Variants in TRIM7 observed in about 807,000 individuals in gnomAD.
The protein encoded by TRIM7 is E3 ubiquitin-protein ligase TRIM7.
A neutral mutation model predicts 37.9 loss-of-function variants in TRIM7; 32 were observed. The observed-to-expected ratio is 0.84, with a 90% CI of 0.64 to 1.13. The LOEUF is 1.13. TRIM7 is among the 50% of genes most tolerant of loss of function. The pLI is 0.00. For synonymous variants in TRIM7, 351 were observed against 321.3 expected (o/e 1.09, Z -0.99); for missense variants, 732 against 714.0 (o/e 1.03, Z -0.29).
chr5:181,197,062 C>G (rs1010575110), intron 6 of TRIM7: 70 of 151,352 alleles, frequency 4.6e-4, no homozygotes, highest in African/African-American at 1.7e-3. Context: ...CGAGGACGCC[C>G]AGGAGAGAGG....
At chr5:181,201,271 T>C (rs1757468986) in intron 2 of TRIM7, among the ~76,000 whole-genome samples, 1 of 152,212 alleles carries the variant, frequency 6.6e-6, no homozygotes, top group African/African-American at 2.4e-5. Flanking sequence ...TATCCCATTG[T>C]TGACAACCAA....
rs1158589548 is a variant in TRIM7 at position 181,203,695 on chromosome 5, C to T, written c.523-55G>A. 5.1e-6 allele frequency: 8 copies of T among 1,553,492 alleles called. No individual in the cohort carries two copies. The East Asian group carries it at 1.3e-4, about 26-fold the overall frequency. On this transcript the variant is annotated intron_variant, in intron 1 of 6. Transcript: ENST00000274773. Reference sequence around the variant, plus strand: ...GGGGTGAGGGGCTTCTGGAAACCCCCACCTCTGCCTTCCTGGAGCCAGCCA... The same window carrying T: ...GGGGTGAGGGGCTTCTGGAAACCCCTACCTCTGCCTTCCTGGAGCCAGCCA...
chr5:181,204,299 A>G lies in TRIM7; in HGVS notation c.522+290T>C, dbSNP rs549288630. On this transcript the variant is annotated intron_variant, in intron 1 of 6. Coordinates refer to ENST00000274773, the MANE Select transcript of TRIM7 (RefSeq NM_203293.3). ...GCAGACCAGGCTAGAGGCTCCGAACAGACAGGAAGAACATCGCCAAGTCCG... is the reference window on the plus strand; with the variant it reads ...GCAGACCAGGCTAGAGGCTCCGAACGGACAGGAAGAACATCGCCAAGTCCG... 4 of 1,130,022 alleles carry G rather than the reference A, an allele frequency of 3.5e-6. No individual in the cohort carries two copies. In the African/African-American group the frequency reaches 4.9e-5, roughly 14 times the overall value. The allele number at this position is 1,130,022 out of a possible 1,614,324, so 70.0% of individuals were successfully genotyped here. A position where few individuals can be genotyped will look rare whatever the true frequency, so the allele number is the denominator to read the frequency against.
In TRIM7 at chr5:181,198,170, G is replaced by A; in HGVS notation, c.1024+13C>T. 6.2e-7 allele frequency: 1 copy of A among 1,614,002 alleles called. No individual in the cohort carries two copies. Among genetic ancestry groups the A allele is most frequent in the Non-Finnish European group, 8.5e-7 (1 of 1,179,904 alleles). On this transcript the variant is annotated intron_variant, in intron 6 of 6. Transcript: ENST00000274773. Reference sequence around the variant, plus strand: ...CAGACAGTCCATACTCGCCATCACAGCACCATCCCTACCTTTCTCCTCTTT... The same window carrying A: ...CAGACAGTCCATACTCGCCATCACAACACCATCCCTACCTTTCTCCTCTTT...
intron 6 of TRIM7, chr5:181,197,516 A>C (rs10054630): frequency 0.15 from 22,662 of 152,746 alleles, 4,981 homozygotes; most frequent in African/African-American, 0.49. Flanking sequence ...CTGAAGGAAC[A>C]GCAGGGAGGA....
At chr5:181,199,066 G>A (rs780019430) in intron 4 of TRIM7, 29 bp downstream of exon 4, 11 of 1,613,836 alleles carry the variant, frequency 6.8e-6, no homozygotes, top group Admixed American at 5.0e-5. Flanking sequence ...GCAACTTAGA[G>A]AGGCCCCAGG....
intron 6 of TRIM7, 143 bp from the exon 7 acceptor site, chr5:181,195,820 AC>A: frequency 4.9e-6 from 5 of 1,014,494 alleles, no homozygotes; most frequent in Non-Finnish European, 6.7e-6. Flanking sequence ...GGCCCAACCA[AC>A]CCCCACGCTC....
intron 2 of TRIM7, among the ~76,000 whole-genome samples, chr5:181,201,939 G>T (rs1757512698): frequency 6.6e-6 from 1 of 152,160 alleles, no homozygotes; most frequent in African/African-American, 2.4e-5. Context: ...AGTGGAGGAG[G>T]GATGAAGGTC....
At chr5:181,200,209 C>T in intron 2 of TRIM7, 128 bp from the exon 3 acceptor site, 1 of 1,574,168 alleles carries the variant, frequency 6.4e-7, no homozygotes. Flanking sequence ...ACACACCCAC[C>T]TACGCACGCA....
In TRIM7 at chr5:181,205,114, C is replaced by A. The variant is rs1757746867; in HGVS notation, c.-4G>T. 7.6e-7 allele frequency: 1 copy of A among 1,312,668 alleles called. No individual in the cohort carries two copies. Among genetic ancestry groups the A allele is most frequent in the East Asian group, 3.1e-5 (1 of 32,034 alleles). The allele number at this position is 1,312,668 out of a possible 1,614,324, so 81.3% of individuals were successfully genotyped here. ...TCCGCGGTCCCACAGCCGCCATGCG[C>A]GCTCTCCGCGCACCCAGATCTGGTC... On this transcript the variant is annotated 5_prime_UTR_variant, in exon 1 of 7. Transcript: ENST00000274773.
At position 181,205,047 on chromosome 5, in the gene TRIM7, C is replaced by T. The variant is rs991483529; in HGVS notation, c.64G>A (p.Glu22Lys). The T allele has an allele frequency of 1.1e-5, 16 of 1,413,934 alleles. No homozygotes were observed. The African/African-American group carries it at 2.4e-4, about 21-fold the overall frequency. 87.6% of individuals were successfully genotyped at this position (1,413,934 alleles called of 1,614,324 possible). Residue 22 changes from glutamate to lysine, a missense_variant, in exon 1 of 7, where the codon GAG (glutamate) becomes AAG (lysine). Coordinates refer to ENST00000274773, the MANE Select transcript of TRIM7 (RefSeq NM_203293.3). ...TGAEALALAA[E>K]LQGEATCSIC... ...GAGCACGTCGCCTCGCCCTGCAGCT[C>T]TGCCGCCAGCGCTAGAGCCTCGGCG...
In TRIM7 at chr5:181,195,123, T is replaced by A. The variant is rs1188299085; in HGVS notation, c.*43A>T. The A allele has an allele frequency of 1.3e-6, 2 of 1,551,090 alleles. No homozygotes were observed. Among genetic ancestry groups the A allele is most frequent in the Admixed American group, 3.7e-5 (2 of 53,838 alleles). ...GCATCTCTGGGGAGGCGACATCCCC[T>A]CCCACCGGCAGCCCAGAGACAGGAG... On this transcript the variant is annotated 3_prime_UTR_variant, in exon 7 of 7. Coordinates refer to ENST00000274773, the MANE Select transcript of TRIM7 (RefSeq NM_203293.3).
At chr5:181,202,707 C>CA (rs1440087554) in intron 2 of TRIM7, 4 of 152,072 alleles carry the variant, frequency 2.6e-5, no homozygotes, top group Non-Finnish European at 5.9e-5. Context: ...GCTGGGACTA[C>CA]AGGCGCCCGC....
At chr5:181,202,219 G>A (rs1415404730) in intron 2 of TRIM7, 1 of 132,886 alleles carries the variant, frequency 7.5e-6, no homozygotes, top group Non-Finnish European at 1.6e-5. Flanking sequence ...CACTCTCGTT[G>A]CCCAGGCTGG....
At position 181,199,847 on chromosome 5, in the gene TRIM7, T is replaced by G; in HGVS notation, c.849+4A>C. On this transcript the variant is annotated splice_donor_region_variant and intron_variant, in intron 3 of 6. Transcript: ENST00000274773. ...ACTCGAGCCCCTGGCTGAGCCAGAC[T>G]TACCTGGAGAAAGTCAAGGTCAGGC... is the stretch of plus-strand genomic sequence containing the variant. 1 of 1,612,278 alleles carries G rather than the reference T, an allele frequency of 6.2e-7. No individual in the cohort carries two copies. Among genetic ancestry groups the G allele is most frequent in the Non-Finnish European group, 8.5e-7 (1 of 1,178,998 alleles).
Position 181,204,622 on chromosome 5 carries a change from C to T in TRIM7, c.489G>A (p.Val163=). The change falls in exon 1 of 7, where the codon GTG becomes GTA. Residue 163 remains valine (V), a synonymous_variant. Transcript: ENST00000274773. ...DRAREHREHA[V]LPLDEAVQEA... ...CCTGCACCGCCTCGTCCAGCGGCAGCACGGCGTGCTCGCGGTGCTCGCGGG... is the reference window on the plus strand; with the variant it reads ...CCTGCACCGCCTCGTCCAGCGGCAGTACGGCGTGCTCGCGGTGCTCGCGGG... The T allele has an allele frequency of 4.8e-6, 7 of 1,470,474 alleles. No individual in the cohort carries two copies. The highest frequency in any genetic ancestry group is 6.2e-6 in the Non-Finnish European group (7 of 1,124,210). The allele number at this position is 1,470,474 out of a possible 1,614,324, so 91.1% of individuals were successfully genotyped here.
At chr5:181,199,699 A>G (rs1757354411) in intron 3 of TRIM7, 152 bp downstream of exon 3, 6 of 1,325,028 alleles carry the variant, frequency 4.5e-6, no homozygotes, top group Admixed American at 5.8e-5. Flanking sequence ...CTAGACCTCC[A>G]ACCCCAGGAA....
intron 2 of TRIM7, among the ~76,000 whole-genome samples, chr5:181,201,779 G>A (rs187180323): frequency 6.6e-6 from 1 of 152,318 alleles, no homozygotes; most frequent in East Asian, 1.9e-4. Flanking sequence ...TGGATGGATG[G>A]ATGTTGGGAG....
Position 181,204,882 on chromosome 5 carries a change from G to A in TRIM7, c.229C>T (p.Pro77Ser), listed in dbSNP as rs1309578778. 10 of 1,369,906 alleles carry A rather than the reference G, an allele frequency of 7.3e-6. No homozygotes were observed. The highest frequency in any genetic ancestry group is 3.9e-5 in the Admixed American group (1 of 25,498). The allele number at this position is 1,369,906 out of a possible 1,614,324, so 84.9% of individuals were successfully genotyped here. The change falls in exon 1 of 7, where the codon CCC (proline) becomes TCC (serine). Residue 77 changes from proline to serine, a missense_variant. Pro to Ser is a moderately conservative substitution (Grantham distance 74). Transcript: ENST00000274773. ...AATRAPPFPL[P>S]CPQCREPARP... ...GCGGGCTCGCGGCACTGCGGACAGG[G>A]CAGTGGGAAGGGGGGCGCGCGGGTG...
Sources: gnomAD v4.1 joint callset for allele counts (sites outside exome capture counted in the v4.1 genomes callset) on GRCh38, gnomAD v4.1.1 for gene constraint, MANE v1.5 for transcripts, NCBI Gene and HGNC (gene_info 2026-07-23, HGNC 2026-07-21) for gene names.